Variants in SGCD observed in about 807,000 individuals in gnomAD.
SGCD encodes the protein delta-sarcoglycan.
Under a neutral mutation model 36.6 loss-of-function variants are expected in SGCD, and 18 were observed. The observed-to-expected ratio is 0.49, with a 90% confidence interval of 0.34 to 0.73. The LOEUF (loss-of-function observed/expected upper bound fraction) is 0.73. Among genes scored for constraint, SGCD ranks in the 30% least tolerant of loss-of-function variants. The pLI, the probability that SGCD is intolerant of heterozygous loss-of-function variation, is 0.01. For synonymous variants in SGCD, 133 were observed against 130.6 expected, an observed-to-expected ratio of 1.02 and a Z score of -0.12; for missense variants, 387 against 346.7, an observed-to-expected ratio of 1.12 and a Z score of -0.92.
At chr5:156,481,635 G>A (rs1755434660) in intron 3 of SGCD, among the ~76,000 whole-genome samples, 1 of 152,076 alleles carries the variant, frequency 6.6e-6, no homozygotes, top group Admixed American at 6.5e-5. Context: ...ATCAGAAGAG[G>A]GAGATAATAA....
intron 1 of SGCD, among the ~76,000 whole-genome samples, chr5:155,893,042 A>G (rs1756173440): frequency 6.6e-6 from 1 of 152,218 alleles, no homozygotes; most frequent in East Asian, 1.9e-4. Flanking sequence ...ATAACTTCCC[A>G]TATTCCATTG....
At chr5:156,090,718 T>C (rs1267387626) in intron 1 of SGCD, among the ~76,000 whole-genome samples, 2 of 152,170 alleles carry the variant, frequency 1.3e-5, no homozygotes, top group Non-Finnish European at 2.9e-5. Context: ...AGGGTGTATT[T>C]CATCCCTTAT....
chr5:156,390,837 T>C (rs186202319), intron 3 of SGCD, among the ~76,000 whole-genome samples: 1 of 152,350 alleles, frequency 6.6e-6, no homozygotes, highest in African/African-American at 2.4e-5. Flanking sequence ...GATGCATTTG[T>C]GCTTAAGCCA....
chr5:156,759,245 T>TACC lies in SGCD; in HGVS notation c.729_731dup (p.Pro244dup), dbSNP rs773477845. 1 of 1,613,780 alleles carries TACC rather than the reference T, an allele frequency of 6.2e-7. No homozygotes were observed. The highest frequency in any genetic ancestry group is 1.1e-5 in the South Asian group (1 of 91,072). Reference sequence around the variant, plus strand: ...AAGTTAGATGCTGCGAAAATCAGGCTACCTAGACTGCCTCATGGATCCTAC... The same window carrying TACC: ...AAGTTAGATGCTGCGAAAATCAGGCTACCACCTAGACTGCCTCATGGATCCTAC... On this transcript the variant is annotated inframe_insertion, in exon 9 of 9. Transcript: ENST00000337851.
chr5:155,948,658 G>A (rs1405869134), intron 1 of SGCD, among the ~76,000 whole-genome samples: 1 of 152,158 alleles, frequency 6.6e-6, no homozygotes, highest in African/African-American at 2.4e-5. Context: ...CCTGGGATTT[G>A]CTAATGATCT....
intron 1 of SGCD, among the ~76,000 whole-genome samples, chr5:156,035,626 A>G (rs1205796983): frequency 1.3e-5 from 2 of 152,154 alleles, no homozygotes; most frequent in African/African-American, 2.4e-5. Context: ...AAAATAAAAA[A>G]TAATAATAAA....
chr5:156,229,277 C>CACACATATAT (rs1554085595), intron 3 of SGCD, among the ~76,000 whole-genome samples: 1 of 56,502 alleles, frequency 1.8e-5, no homozygotes, highest in Non-Finnish European at 3.3e-5. Context: ...TATATACATA[C>CACACATATAT]ATATATATAT....
chr5:156,521,017 A>G lies in SGCD; in HGVS notation c.294+12315A>G, dbSNP rs1167542094. ...GAGTGACAGAGCGAGACTCCGTCTC[A>G]AAAAAAAAAAAAAAAAAAAAAAAAG... On this transcript the variant is annotated intron_variant, in intron 4 of 8. Coordinates refer to ENST00000337851, the MANE Select transcript of SGCD (RefSeq NM_000337.6). Among the ~76,000 whole-genome samples the G allele has an allele frequency of 2.9e-4, 15 of 52,174 alleles. No homozygotes were observed. In the East Asian group the frequency reaches 7.1e-3, roughly 25 times the overall value. The allele number at this position is 52,174 out of a possible 152,430, so 34.2% of individuals were successfully genotyped here. A position where few individuals can be genotyped will look rare whatever the true frequency, so the allele number is the denominator to read the frequency against.
chr5:156,417,388 G>A (rs1773101951), intron 3 of SGCD, among the ~76,000 whole-genome samples: 1 of 152,146 alleles, frequency 6.6e-6, no homozygotes, highest in African/African-American at 2.4e-5. Flanking sequence ...GGATGATGAT[G>A]ACAAGAATAC....
chr5:156,165,324 ATGT>A (rs1343263323), intron 3 of SGCD, among the ~76,000 whole-genome samples: 1 of 152,188 alleles, frequency 6.6e-6, no homozygotes, highest in African/African-American at 2.4e-5. Context: ...TTGCTACTCA[ATGT>A]TGTGTGAAAT....
In SGCD at chr5:156,728,885, C is replaced by T. The variant is rs962594837; in HGVS notation, c.576-28696C>T. Among the ~76,000 whole-genome samples, 6 of 152,128 alleles carry T rather than the reference C, an allele frequency of 3.9e-5. No homozygotes were observed. In the Middle Eastern group the frequency reaches 0.014, roughly 345 times the overall value. On this transcript the variant is annotated intron_variant, in intron 7 of 8. Transcript: ENST00000337851. ...TTGTCTAACCCAGAGAACTATATTG[C>T]AATGAAGTTGAGGATTAATCGTTAA...
At chr5:156,404,517 C>T (rs1772312913) in intron 3 of SGCD, among the ~76,000 whole-genome samples, 1 of 152,202 alleles carries the variant, frequency 6.6e-6, no homozygotes, top group Admixed American at 6.5e-5. Context: ...GCCTTTTACC[C>T]CTAGTACATC....
At chr5:156,228,994 T>C (rs74991596) in intron 3 of SGCD, among the ~76,000 whole-genome samples, 8,613 of 151,840 alleles carry the variant, frequency 0.057, 342 homozygotes, top group Non-Finnish European at 0.085. Context: ...CACAGTCTAA[T>C]CAGCTGCCAG....
At chr5:156,278,148 T>C (rs1404451914) in intron 3 of SGCD, among the ~76,000 whole-genome samples, 2 of 151,958 alleles carry the variant, frequency 1.3e-5, no homozygotes, top group Admixed American at 6.6e-5. Flanking sequence ...TATATCAAGG[T>C]CCTGAGACAG....
At chr5:155,756,496 C>A in the SGCD span, among the ~76,000 whole-genome samples, 1 of 152,138 alleles carries the variant, frequency 6.6e-6, no homozygotes, top group African/African-American at 2.4e-5. Flanking sequence ...AGAAAAGAGA[C>A]CTTCTGTGAA....
At chr5:156,227,729 G>A (rs374534176) in intron 3 of SGCD, among the ~76,000 whole-genome samples, 29 of 152,142 alleles carry the variant, frequency 1.9e-4, no homozygotes, top group Middle Eastern at 6.8e-3. Context: ...GAGGTGCAAC[G>A]TTAGATTGTC....
intron 3 of SGCD, among the ~76,000 whole-genome samples, chr5:156,275,151 C>G (rs1766283252): frequency 6.6e-6 from 1 of 152,008 alleles, no homozygotes; most frequent in South Asian, 2.1e-4. Context: ...CCTTCCTTGC[C>G]CATAATCCCC....
chr5:155,799,541 G>A, the SGCD span, among the ~76,000 whole-genome samples: 2 of 151,760 alleles, frequency 1.3e-5, no homozygotes, highest in South Asian at 4.2e-4. Context: ...TTACAGGAGT[G>A]CCATCATGCC....
intron 3 of SGCD, among the ~76,000 whole-genome samples, chr5:156,428,853 T>C (rs1309473295): frequency 6.6e-6 from 1 of 152,092 alleles, no homozygotes; most frequent in Non-Finnish European, 1.5e-5. Flanking sequence ...TTGTGGGTTC[T>C]ATTTGTGGGT....
Sources: allele counts gnomAD v4.1 joint callset (sites outside exome capture counted in the v4.1 genomes callset), GRCh38; gene constraint gnomAD v4.1.1; transcripts MANE v1.5; gene names NCBI Gene and HGNC (gene_info 2026-07-23, HGNC 2026-07-21).